IKBKB: variants seen among roughly 807,000 people sequenced by gnomAD.
IKBKB encodes inhibitor of nuclear factor kappa B kinase subunit beta.
Under a neutral mutation model 113.6 loss-of-function variants are expected in IKBKB, and 42 were observed. The ratio of observed to expected loss-of-function variants is 0.37; its 90% CI spans 0.29 to 0.48. The LOEUF (loss-of-function observed/expected upper bound fraction) is 0.48. IKBKB is among the 20% of genes least tolerant of loss of function. The pLI is 0.99. For missense variants in IKBKB, 673 were observed against 939.7 expected (o/e 0.72, Z 3.71); for synonymous variants, 296 against 361.3 (o/e 0.82, Z 2.05).
At chr8:42,288,812 C>G in intron 3 of IKBKB, 84 bp downstream of exon 3, 1 of 1,098,342 alleles carries the variant, frequency 9.1e-7, no homozygotes, top group Non-Finnish European at 1.3e-6. Context: ...TTGCTGGGTG[C>G]GTGGCTCACG....
At chr8:42,314,847 A>G (rs961695654) in intron 9 of IKBKB, among the ~76,000 whole-genome samples, 1 of 152,170 alleles carries the variant, frequency 6.6e-6, no homozygotes, top group Non-Finnish European at 1.5e-5. Context: ...GGCTATCAGG[A>G]TATCGTCCTG....
intron 5 of IKBKB, among the ~76,000 whole-genome samples, chr8:42,300,212 G>GT (rs937380998): frequency 1.4e-4 from 21 of 151,920 alleles, no homozygotes; most frequent in African/African-American, 3.9e-4. Flanking sequence ...CTTCAAGTCT[G>GT]TTTTTTTTGG....
intron 8 of IKBKB, 157 bp from the exon 9 acceptor site, chr8:42,314,165 A>G: frequency 1.5e-6 from 1 of 652,310 alleles, no homozygotes. Flanking sequence ...CCTAGGAGCA[A>G]TAGGGTGTAC....
Position 42,298,343 on chromosome 8 carries a change from G to A in IKBKB, c.388+4831G>A, listed in dbSNP as rs1025706284. On this transcript the variant is annotated intron_variant, in intron 5 of 21. Coordinates refer to ENST00000520810, the MANE Select transcript of IKBKB (RefSeq NM_001556.3). Reference sequence around the variant, plus strand: ...CACCATCCTGTGCTCCAGGCCTTTCGGGAACCCACCCCTCTGTTGCTGTCC... The same window carrying A: ...CACCATCCTGTGCTCCAGGCCTTTCAGGAACCCACCCCTCTGTTGCTGTCC... 8 of 985,278 alleles carry A rather than the reference G, an allele frequency of 8.1e-6. No individual in the cohort carries two copies. In the African/African-American group the frequency reaches 1.2e-4, roughly 15 times the overall value. The allele number at this position is 985,278 out of a possible 1,614,324, so 61.0% of individuals were successfully genotyped here.
At chr8:42,308,843 C>G in intron 7 of IKBKB, 58 bp from the exon 8 acceptor site, 1 of 1,572,770 alleles carries the variant, frequency 6.4e-7, no homozygotes, top group East Asian at 2.2e-5. Flanking sequence ...GCCGCCCCCT[C>G]CTGCCGTGGT....
intron 2 of IKBKB, among the ~76,000 whole-genome samples, chr8:42,287,943 A>G (rs1259614957): frequency 1.3e-5 from 2 of 152,192 alleles, no homozygotes; most frequent in East Asian, 1.9e-4. Context: ...GTCAATTATC[A>G]GCAGTGTCCC....
chr8:42,279,571 C>T (rs181798515), intron 2 of IKBKB, among the ~76,000 whole-genome samples: 2 of 152,338 alleles, frequency 1.3e-5, no homozygotes, highest in East Asian at 3.9e-4. Flanking sequence ...GCCCTCACAA[C>T]TCTGAAAGGA....
chr8:42,316,806 G>C lies in IKBKB; in HGVS notation c.1027G>C (p.Asp343His). ...GAGCTTGAAGGCCAGAATCCAACAG[G>C]ACACGGGCATCCCAGAGGAGGACCA... ...LQSLKARIQQ[D>H]TGIPEEDQEL... The change falls in exon 11 of 22, where the codon GAC becomes CAC. Residue 343 changes from aspartate (D) to histidine (H), a missense_variant. By Grantham distance (81) the Asp-to-His change is moderately conservative. This residue lies in a region of IKBKB where 506 missense variants were observed against 638.7 expected (regional missense o/e 0.79). Coordinates refer to ENST00000520810, the MANE Select transcript of IKBKB (RefSeq NM_001556.3). This position sits in a 1 kb window ranked among gnomAD's most constrained non-coding sequence, Gnocchi z 4.5. The C allele has an allele frequency of 6.2e-7, 1 of 1,614,152 alleles. No homozygotes were observed. The highest frequency in any genetic ancestry group is 1.1e-5 in the South Asian group (1 of 91,082).
In IKBKB at chr8:42,306,436, A is replaced by G; in HGVS notation, c.567+4A>G. 6.2e-7 allele frequency: 1 copy of G among 1,602,608 alleles called. No homozygotes were observed. The highest frequency in any genetic ancestry group is 8.5e-7 in the Non-Finnish European group (1 of 1,169,646). On this transcript the variant is annotated splice_donor_region_variant and intron_variant, in intron 7 of 21. Coordinates refer to ENST00000520810, the MANE Select transcript of IKBKB (RefSeq NM_001556.3). ...CGTGGGGACCCTGCAGTACCTGGTA[A>G]GAAGTGGGCCTTGCCTGTTTGCCTG... is the stretch of plus-strand genomic sequence containing the variant.
At chr8:42,315,751 C>T (rs1818565312) in intron 9 of IKBKB, among the ~76,000 whole-genome samples, 1 of 152,190 alleles carries the variant, frequency 6.6e-6, no homozygotes, top group Admixed American at 6.5e-5. Context: ...CAATCTCTGC[C>T]TCCCAAGTTC....
At chr8:42,329,303 T>C (rs1339996880) in intron 21 of IKBKB, 89 bp downstream of exon 21, 2 of 1,456,132 alleles carry the variant, frequency 1.4e-6, no homozygotes, top group Non-Finnish European at 1.8e-6. Flanking sequence ...TCTGGCATTA[T>C]CCTCAACCTC....
At chr8:42,286,879 GCCACCCTGCAGGTGTGGCT>G (rs1185718823) in intron 2 of IKBKB, among the ~76,000 whole-genome samples, 3 of 152,212 alleles carry the variant, frequency 2.0e-5, no homozygotes, top group Admixed American at 2.0e-4. Context: ...GGTGCCCTGT[GCCACCCTGCAGGTGTGGCT>G]CTTGCCCAGG....
In IKBKB at chr8:42,322,338, T is replaced by C. The variant is rs202029830; in HGVS notation, c.1839-9T>C. 3.1e-6 allele frequency: 5 copies of C among 1,613,572 alleles called. No homozygotes were observed. In the African/African-American group the frequency reaches 4.0e-5, roughly 13 times the overall value. On this transcript the variant is annotated splice_polypyrimidine_tract_variant and intron_variant, in intron 18 of 21. Transcript: ENST00000520810. Reference sequence around the variant, plus strand: ...AATGCCATTAGTTTGCCATGTTTATTCTTTGCAGTAAAACTGTGGTTTGCA... The same window carrying C: ...AATGCCATTAGTTTGCCATGTTTATCCTTTGCAGTAAAACTGTGGTTTGCA...
chr8:42,286,874 C>T (rs1811517534), intron 2 of IKBKB, among the ~76,000 whole-genome samples: 1 of 152,192 alleles, frequency 6.6e-6, no homozygotes, highest in Non-Finnish European at 1.5e-5. Flanking sequence ...TGCTGGGTGC[C>T]CTGTGCCACC....
chr8:42,307,970 G>C (rs1241015873), intron 7 of IKBKB, among the ~76,000 whole-genome samples: 1 of 152,134 alleles, frequency 6.6e-6, no homozygotes, highest in Non-Finnish European at 1.5e-5. Flanking sequence ...GCTAAGCCCA[G>C]TCTGCACCCC....
At chr8:42,295,522 C>A (rs997485592) in intron 5 of IKBKB, among the ~76,000 whole-genome samples, 2 of 152,104 alleles carry the variant, frequency 1.3e-5, no homozygotes, top group African/African-American at 4.8e-5. Context: ...GTCAGGAGTT[C>A]AAGACCAGCC....
chr8:42,293,380 A>G lies in IKBKB; in HGVS notation c.319-63A>G, dbSNP rs964885929. 4 of 1,604,308 alleles carry G rather than the reference A, an allele frequency of 2.5e-6. No homozygotes were observed. In the South Asian group the frequency reaches 3.3e-5, roughly 13 times the overall value. On this transcript the variant is annotated intron_variant, in intron 4 of 21. Transcript: ENST00000520810. Reference sequence around the variant, plus strand: ...CTGGTCACATGGGCTGGTAAGAGACATGTGTGGATTTCCGGTGGTTTGTGA... The same window carrying G: ...CTGGTCACATGGGCTGGTAAGAGACGTGTGTGGATTTCCGGTGGTTTGTGA...
Position 42,331,341 on chromosome 8 carries a change from G to A in IKBKB, c.*362G>A. 1 of 702,882 alleles carries A rather than the reference G, an allele frequency of 1.4e-6. No homozygotes were observed. Among genetic ancestry groups the A allele is most frequent in the Non-Finnish European group, 2.6e-6 (1 of 385,024 alleles). 43.5% of individuals were successfully genotyped at this position (702,882 alleles called of 1,614,324 possible). Reference sequence around the variant, plus strand: ...ATGGCAGCTCCTTCCTCTGCCGTGAGAAAAGTGCTTGGAGTACGGTTTGCC... The same window carrying A: ...ATGGCAGCTCCTTCCTCTGCCGTGAAAAAAGTGCTTGGAGTACGGTTTGCC... On this transcript the variant is annotated 3_prime_UTR_variant, in exon 22 of 22. Transcript: ENST00000520810.
At chr8:42,298,909 G>T (rs1814505767) in intron 5 of IKBKB, among the ~76,000 whole-genome samples, 1 of 152,134 alleles carries the variant, frequency 6.6e-6, no homozygotes, top group Admixed American at 6.6e-5. Context: ...TCCACTGCCT[G>T]CCCCTGCATT....
Sources: gnomAD v4.1 joint callset for allele counts (sites outside exome capture counted in the v4.1 genomes callset) on GRCh38, gnomAD v4.1.1 for gene constraint, gnomAD v4.1.1 regional missense constraint, Gnocchi (gnomAD v3.1) non-coding constraint, MANE v1.5 for transcripts, NCBI Gene and HGNC (gene_info 2026-07-23, HGNC 2026-07-21) for gene names.